Variants in LINGO2 observed in about 807,000 individuals in gnomAD.
LINGO2 encodes leucine rich repeat and Ig domain containing 2, also known as leucine-rich repeat and immunoglobulin-like domain-containing nogo receptor-interacting protein 2.
In LINGO2, 14 loss-of-function variants were observed where a neutral mutation model predicts 30.6. The ratio of observed to expected loss-of-function variants is 0.46; its 90% confidence interval spans 0.30 to 0.72. The LOEUF (loss-of-function observed/expected upper bound fraction) is 0.72. Ranked by LOEUF, LINGO2 falls within the 30% of genes least tolerant of loss-of-function variation. The pLI is 0.07. For missense variants in LINGO2, 729 were observed against 751.7 expected, an observed-to-expected ratio of 0.97 and a Z score of 0.35; for synonymous variants, 317 against 288.5, an observed-to-expected ratio of 1.10 and a Z score of -1.00.
At chr9:28,917,492 G>A in the LINGO2 span, among the ~76,000 whole-genome samples, 1 of 151,252 alleles carries the variant, frequency 6.6e-6, no homozygotes, top group African/African-American at 2.4e-5. Context: ...TGCTCTTGCT[G>A]CCCAGGCTGG....
the LINGO2 span, among the ~76,000 whole-genome samples, chr9:29,004,039 A>C: frequency 6.6e-6 from 1 of 152,028 alleles, no homozygotes; most frequent in African/African-American, 2.4e-5. Context: ...GCCTCATTTT[A>C]TAAGCCAAAG....
At chr9:28,547,603 A>G (rs1822017876) in intron 1 of LINGO2, among the ~76,000 whole-genome samples, 2 of 152,178 alleles carry the variant, frequency 1.3e-5, no homozygotes, top group African/African-American at 4.8e-5. Context: ...TAAATGACAC[A>G]TGGAAATTAA....
chr9:28,791,826 G>C, the LINGO2 span, among the ~76,000 whole-genome samples: 4 of 151,644 alleles, frequency 2.6e-5, no homozygotes, highest in Non-Finnish European at 5.9e-5. Context: ...AATAATATCA[G>C]ATACATTTTT....
At chr9:28,078,088 G>T (rs1825677222) in intron 4 of LINGO2, among the ~76,000 whole-genome samples, 1 of 149,252 alleles carries the variant, frequency 6.7e-6, no homozygotes, top group Non-Finnish European at 1.5e-5. Flanking sequence ...CTTAAAATAT[G>T]CTGGTAATGT....
the LINGO2 span, among the ~76,000 whole-genome samples, chr9:29,178,244 T>C: frequency 3.3e-5 from 5 of 151,886 alleles, no homozygotes; most frequent in Non-Finnish European, 7.4e-5. Context: ...TTAGTACAGA[T>C]GGAGTTTCAC....
intron 4 of LINGO2, among the ~76,000 whole-genome samples, chr9:28,132,014 G>A (rs1490835842): frequency 1.3e-5 from 2 of 152,130 alleles, no homozygotes; most frequent in Admixed American, 1.3e-4. Flanking sequence ...CTATGCTCTT[G>A]GGTGGATTAA....
intron 2 of LINGO2, among the ~76,000 whole-genome samples, chr9:28,459,881 A>T (rs566180007): frequency 3.9e-5 from 6 of 152,142 alleles, no homozygotes; most frequent in African/African-American, 7.2e-5. Flanking sequence ...GTCTTCTGAG[A>T]TTGTATTAGA....
At chr9:28,050,428 T>G (rs1189986642) in intron 4 of LINGO2, among the ~76,000 whole-genome samples, 1 of 150,834 alleles carries the variant, frequency 6.6e-6, no homozygotes, top group Non-Finnish European at 1.5e-5. Context: ...AGGGATATTC[T>G]GCAAGACAAT....
the LINGO2 span, among the ~76,000 whole-genome samples, chr9:29,042,372 T>G: frequency 3.3e-5 from 5 of 151,928 alleles, no homozygotes; most frequent in Non-Finnish European, 7.4e-5. Flanking sequence ...CAACTGATGT[T>G]CACACAAAAA....
chr9:28,678,723 C>G, the LINGO2 span, among the ~76,000 whole-genome samples: 1 of 152,050 alleles, frequency 6.6e-6, no homozygotes, highest in Non-Finnish European at 1.5e-5. Context: ...ACTGTCATTA[C>G]TAAGTGAAAT....
At chr9:28,031,125 TCTC>T (rs1232248520) in intron 4 of LINGO2, among the ~76,000 whole-genome samples, 1 of 152,120 alleles carries the variant, frequency 6.6e-6, no homozygotes, top group Non-Finnish European at 1.5e-5. Flanking sequence ...TATCCAAGCT[TCTC>T]CTTGGCTGTA....
the LINGO2 span, among the ~76,000 whole-genome samples, chr9:29,045,733 C>T: frequency 5.9e-5 from 9 of 152,068 alleles, no homozygotes; most frequent in African/African-American, 2.2e-4. Context: ...TTGCTTAGGG[C>T]AGTAAAACCA....
Position 28,170,103 on chromosome 9 carries a change from C to T in LINGO2, c.-87+125105G>A, listed in dbSNP as rs556706472. 2.6e-5 allele frequency among the ~76,000 whole-genome samples: 4 copies of T among 152,280 alleles called. No homozygotes were observed. In the South Asian group the frequency reaches 8.3e-4, roughly 32 times the overall value. On this transcript the variant is annotated intron_variant, in intron 4 of 5. Coordinates refer to ENST00000379992, the Ensembl canonical transcript of LINGO2. ...TGTATTCACTGCTAAGTTTCTATCA[C>T]TTGGAACAGTGCCAGGACCATACCT...
chr9:28,236,275 C>T (rs999241489), intron 4 of LINGO2, among the ~76,000 whole-genome samples: 1 of 152,058 alleles, frequency 6.6e-6, no homozygotes, highest in African/African-American at 2.4e-5. Flanking sequence ...CCCAGACAAA[C>T]AAAAGCTGAG....
At chr9:29,126,931 A>T in the LINGO2 span, among the ~76,000 whole-genome samples, 1 of 152,062 alleles carries the variant, frequency 6.6e-6, no homozygotes, top group African/African-American at 2.4e-5. Context: ...TTTTCTGTGT[A>T]GCAGATGAAA....
chr9:28,557,598 A>C (rs977973586), intron 1 of LINGO2, among the ~76,000 whole-genome samples: 10 of 151,950 alleles, frequency 6.6e-5, no homozygotes, highest in Non-Finnish European at 1.5e-4. Flanking sequence ...GCGATTCCTC[A>C]GGGATCTAGA....
At chr9:28,746,990 G>C in the LINGO2 span, among the ~76,000 whole-genome samples, 1 of 151,986 alleles carries the variant, frequency 6.6e-6, no homozygotes, top group South Asian at 2.1e-4. Flanking sequence ...AGAAATACTG[G>C]GTAGAAAGAA....
chr9:28,594,220 T>C (rs887870094), intron 1 of LINGO2, among the ~76,000 whole-genome samples: 3 of 152,006 alleles, frequency 2.0e-5, no homozygotes, highest in Admixed American at 6.6e-5. Context: ...TCTCTCTACA[T>C]AGGAAAGCAC....
the LINGO2 span, among the ~76,000 whole-genome samples, chr9:28,894,997 G>C: frequency 6.6e-6 from 1 of 152,016 alleles, no homozygotes; most frequent in African/African-American, 2.4e-5. Flanking sequence ...AACTGTCACA[G>C]AAATTACAAT....
Sources: allele counts gnomAD v4.1 joint callset (sites outside exome capture counted in the v4.1 genomes callset), GRCh38; gene constraint gnomAD v4.1.1; transcripts MANE v1.5; gene names NCBI Gene and HGNC (gene_info 2026-07-23, HGNC 2026-07-21).